The following AFF2 variants were observed in gnomAD, a reference collection of about 807,000 sequenced individuals.
AFF2 encodes the protein AF4/FMR2 family member 2.
Under a neutral mutation model 76.9 loss-of-function variants are expected in AFF2, and 14 were observed. That is an observed-to-expected ratio of 0.18 (90% CI 0.12 to 0.28). The LOEUF is 0.28. Ranked by LOEUF, AFF2 falls within the 10% of genes least tolerant of loss-of-function variation. AFF2 has a pLI of 1.00. For missense variants in AFF2, 868 were observed against 1,001.1 expected (o/e 0.87, Z 1.79); for synonymous variants, 398 against 366.7 (o/e 1.09, Z -0.98).
In AFF2 at chrX:149,000,650, T is replaced by A. The variant is rs1231415478; in HGVS notation, c.*9318T>A. Reference sequence around the variant, plus strand: ...TATTTAAAAATGCAAAATAAAATTTTTATGAAAATCTCATTTTAGACATGT... The same window carrying A: ...TATTTAAAAATGCAAAATAAAATTTATATGAAAATCTCATTTTAGACATGT... On this transcript the variant is annotated 3_prime_UTR_variant, in exon 21 of 21. Transcript: ENST00000370460. The A allele has an allele frequency of 8.9e-6, 1 of 112,790 alleles. No individual in the cohort carries two copies. The highest frequency in any genetic ancestry group is 1.9e-5 in the Non-Finnish European group (1 of 53,337). The allele number at this position is 112,790 out of a possible 1,213,427, so 9.3% of individuals were successfully genotyped here.
intron 9 of AFF2, among the ~76,000 whole-genome samples, chrX:148,936,288 G>A (rs1258444969): frequency 8.9e-6 from 1 of 112,059 alleles, no homozygotes; most frequent in Non-Finnish European, 1.9e-5. Flanking sequence ...TTTAATATCT[G>A]ACATGCAGGA....
chrX:148,721,842 G>A (rs782227535), intron 3 of AFF2, among the ~76,000 whole-genome samples: 2 of 112,017 alleles, frequency 1.8e-5, no homozygotes, highest in East Asian at 2.9e-4. Context: ...GGGCGTTGCC[G>A]TAGCACTTCA....
At chrX:148,615,531 C>T (rs2053788719) in intron 1 of AFF2, among the ~76,000 whole-genome samples, 1 of 111,148 alleles carries the variant, frequency 9.0e-6, no homozygotes, top group Non-Finnish European at 1.9e-5. Context: ...TTTAGGGGGC[C>T]TTTAAGGACT....
chrX:148,965,143 G>T (rs1381655452), intron 13 of AFF2, among the ~76,000 whole-genome samples: 1 of 111,922 alleles, frequency 8.9e-6, no homozygotes, highest in Admixed American at 9.5e-5. Context: ...CAGATTGAGG[G>T]TGGAGGGAGA....
intron 3 of AFF2, among the ~76,000 whole-genome samples, chrX:148,666,585 AAAATAAATAAATAAATAAAT>A (rs57375084): frequency 9.9e-6 from 1 of 100,968 alleles, no homozygotes; most frequent in African/African-American, 3.6e-5. Flanking sequence ...CTCTGTCTCA[AAAATAAATAAATAAATAAAT>A]AAATAAATAA....
intron 3 of AFF2, among the ~76,000 whole-genome samples, chrX:148,780,062 T>G (rs1557268951): frequency 8.9e-6 from 1 of 112,326 alleles, no homozygotes; most frequent in African/African-American, 3.2e-5. Flanking sequence ...TTTAAGAATG[T>G]TGAATATTGG....
chrX:148,857,014 T>C (rs947421347), intron 7 of AFF2, among the ~76,000 whole-genome samples: 3 of 112,222 alleles, frequency 2.7e-5, no homozygotes, highest in African/African-American at 9.7e-5. Flanking sequence ...TTAATTACGA[T>C]AAGGCTTGAC....
At chrX:148,532,783 C>T (rs969919290) in intron 1 of AFF2, among the ~76,000 whole-genome samples, 1 of 112,007 alleles carries the variant, frequency 8.9e-6, no homozygotes, top group Admixed American at 9.5e-5. Flanking sequence ...TGCCATGGTG[C>T]ACAATGATTC....
intron 3 of AFF2, among the ~76,000 whole-genome samples, chrX:148,691,487 C>T (rs1248696865): frequency 9.0e-6 from 1 of 111,619 alleles, no homozygotes; most frequent in African/African-American, 3.3e-5. Flanking sequence ...CAATGAAATA[C>T]GAGCAGGGAG....
rs1359338508 is a variant in AFF2 at position 148,991,796 on chromosome X, T to C, written c.*464T>C. 1 of 112,554 alleles carries C rather than the reference T, an allele frequency of 8.9e-6. No individual in the cohort carries two copies. The highest frequency in any genetic ancestry group is 1.9e-5 in the Non-Finnish European group (1 of 53,482). The allele number at this position is 112,554 out of a possible 1,213,427, so 9.3% of individuals were successfully genotyped here. On this transcript the variant is annotated 3_prime_UTR_variant, in exon 21 of 21. Transcript: ENST00000370460. ...ACATATTTCAGAATCTGTCAAACTT[T>C]TGTGTATCCCACAGATTCAATCTTC...
chrX:148,757,347 T>C (rs1337803581), intron 3 of AFF2, among the ~76,000 whole-genome samples: 2 of 111,686 alleles, frequency 1.8e-5, no homozygotes, highest in African/African-American at 6.5e-5. Flanking sequence ...GACTGCGATT[T>C]TAGAGGAACA....
chrX:148,975,752 A>G (rs1031396046), intron 16 of AFF2, among the ~76,000 whole-genome samples: 14 of 104,636 alleles, frequency 1.3e-4, no homozygotes, highest in African/African-American at 4.4e-4. Context: ...AGACCATCCC[A>G]GCTAAAACGG....
At chrX:148,703,803 T>G (rs1346758609) in intron 3 of AFF2, among the ~76,000 whole-genome samples, 5 of 111,475 alleles carry the variant, frequency 4.5e-5, no homozygotes, top group Non-Finnish European at 7.5e-5. Flanking sequence ...CCACACATAG[T>G]AAAAAACCCA....
intron 1 of AFF2, among the ~76,000 whole-genome samples, chrX:148,559,905 C>T (rs2053091465): frequency 9.0e-6 from 1 of 111,726 alleles, no homozygotes; most frequent in Admixed American, 9.5e-5. Context: ...AGTGTAAAAG[C>T]ATTCCTATTT....
At chrX:148,955,507 C>A in intron 10 of AFF2, 96 bp from the exon 11 acceptor site, 2 of 921,774 alleles carry the variant, frequency 2.2e-6, no homozygotes, top group Non-Finnish European at 3.0e-6. Flanking sequence ...AGTCACTTGA[C>A]ATCCAAAGCT....
chrX:148,885,810 A>G, intron 7 of AFF2, 79 bp from the exon 8 acceptor site: 9 of 850,868 alleles, frequency 1.1e-5, no homozygotes, highest in Non-Finnish European at 1.4e-5. Flanking sequence ...CCAATACTTT[A>G]TTCTCATTGC....
chrX:148,883,702 C>G (rs2071123654), intron 7 of AFF2, among the ~76,000 whole-genome samples: 1 of 111,194 alleles, frequency 9.0e-6, no homozygotes, highest in Non-Finnish European at 1.9e-5. Flanking sequence ...TGGAGATGAT[C>G]TAGGTTCCAT....
chrX:148,757,392 G>A (rs906102068), intron 3 of AFF2, among the ~76,000 whole-genome samples: 1 of 111,338 alleles, frequency 9.0e-6, no homozygotes, highest in Non-Finnish European at 1.9e-5. Context: ...ATGCCTATAT[G>A]TGTGTCTATG....
intron 19 of AFF2, among the ~76,000 whole-genome samples, chrX:148,987,148 G>C (rs2072481621): frequency 9.0e-6 from 1 of 111,573 alleles, no homozygotes; most frequent in Non-Finnish European, 1.9e-5. Flanking sequence ...GTTGACAAAA[G>C]CTATTGCATT....
Sources: gnomAD v4.1 joint callset for allele counts (sites outside exome capture counted in the v4.1 genomes callset) on GRCh38, gnomAD v4.1.1 for gene constraint, MANE v1.5 for transcripts, NCBI Gene and HGNC (gene_info 2026-07-23, HGNC 2026-07-21) for gene names.